The following PDGFC variants were observed in gnomAD, a reference collection of about 807,000 sequenced individuals.
The protein encoded by PDGFC is platelet-derived growth factor C.
In PDGFC, 12 loss-of-function variants were observed where a neutral mutation model predicts 35.5. That is an observed-to-expected ratio of 0.34 (90% CI 0.22 to 0.55). PDGFC has a LOEUF of 0.55. Ranked by LOEUF, PDGFC falls within the 20% of genes least tolerant of loss-of-function variation. The pLI, the probability that PDGFC is intolerant of heterozygous loss-of-function variation, is 0.91. For missense variants in PDGFC, 322 were observed against 412.4 expected (o/e 0.78, Z 1.90); for synonymous variants, 159 against 148.8 (o/e 1.07, Z -0.50).
chr4:156,918,255 A>G (rs1731195472), intron 1 of PDGFC, among the ~76,000 whole-genome samples: 1 of 152,214 alleles, frequency 6.6e-6, no homozygotes, highest in African/African-American at 2.4e-5. Context: ...ATTCTCACTC[A>G]GTATCATTTT....
chr4:156,863,219 GACAA>G (rs755685357), intron 1 of PDGFC, among the ~76,000 whole-genome samples: 7 of 152,080 alleles, frequency 4.6e-5, no homozygotes, highest in South Asian at 4.1e-4. Context: ...AATTATGTCA[GACAA>G]ACAGACATAA....
intron 1 of PDGFC, among the ~76,000 whole-genome samples, chr4:156,911,446 T>C (rs575846886): frequency 7.2e-5 from 11 of 152,092 alleles, no homozygotes; most frequent in Non-Finnish European, 1.6e-4. Context: ...AAATTAATAC[T>C]GTATTTTGAG....
intron 2 of PDGFC, among the ~76,000 whole-genome samples, chr4:156,813,435 A>G (rs539255270): frequency 6.8e-4 from 103 of 152,152 alleles, no homozygotes; most frequent in Non-Finnish European, 1.2e-3. Flanking sequence ...ACTGTGGAAT[A>G]GTAGAAGAAA....
chr4:156,832,359 C>T (rs562584800), intron 2 of PDGFC, among the ~76,000 whole-genome samples: 1 of 150,722 alleles, frequency 6.6e-6, no homozygotes, highest in East Asian at 2.0e-4. Context: ...CGGGTTCAAG[C>T]GATTCTCCTG....
intron 1 of PDGFC, among the ~76,000 whole-genome samples, chr4:156,878,640 G>A (rs1157135669): frequency 6.6e-6 from 1 of 152,016 alleles, no homozygotes; most frequent in South Asian, 2.1e-4. Context: ...ATCAGAAAAT[G>A]CAAAATGCAA....
intron 3 of PDGFC, among the ~76,000 whole-genome samples, chr4:156,797,882 T>C (rs1259203990): frequency 5.9e-5 from 9 of 152,114 alleles, no homozygotes; most frequent in African/African-American, 2.2e-4. Flanking sequence ...AAGAAACCTT[T>C]AGACCGACAT....
chr4:156,951,167 T>C (rs532635537), intron 1 of PDGFC, among the ~76,000 whole-genome samples: 1 of 151,836 alleles, frequency 6.6e-6, no homozygotes, highest in African/African-American at 2.4e-5. Flanking sequence ...AGAAAATAAA[T>C]AAACCTCCAA....
chr4:156,945,336 T>G (rs1731913875), intron 1 of PDGFC, among the ~76,000 whole-genome samples: 1 of 73,408 alleles, frequency 1.4e-5, no homozygotes, highest in Non-Finnish European at 3.0e-5. Context: ...TATATACATA[T>G]ACATACATAT....
intron 1 of PDGFC, among the ~76,000 whole-genome samples, chr4:156,922,344 C>T (rs1731305860): frequency 6.6e-6 from 1 of 152,178 alleles, no homozygotes; most frequent in African/African-American, 2.4e-5. Context: ...TTCATTCATT[C>T]AATGGCTAAC....
intron 5 of PDGFC, among the ~76,000 whole-genome samples, chr4:156,766,731 G>C (rs1730540033): frequency 2.0e-5 from 3 of 152,010 alleles, no homozygotes; most frequent in Admixed American, 1.3e-4. Context: ...ACCTAAACAT[G>C]CATGGTTTCC....
At chr4:156,945,223 T>C (rs1359578106) in intron 1 of PDGFC, among the ~76,000 whole-genome samples, 1 of 151,280 alleles carries the variant, frequency 6.6e-6, no homozygotes, top group African/African-American at 2.4e-5. Flanking sequence ...CTGTGACTAG[T>C]ATCTTGCTGC....
chr4:156,781,929 A>C (rs1730991194), intron 3 of PDGFC, among the ~76,000 whole-genome samples: 1 of 152,198 alleles, frequency 6.6e-6, no homozygotes, highest in Non-Finnish European at 1.5e-5. Flanking sequence ...AGTTGTACCA[A>C]GTTTAGCAAA....
chr4:156,875,877 T>C (rs1730104258), intron 1 of PDGFC, among the ~76,000 whole-genome samples: 1 of 152,082 alleles, frequency 6.6e-6, no homozygotes, highest in African/African-American at 2.4e-5. Context: ...AGCAAAACCC[T>C]GTTGGGGGGA....
In PDGFC at chr4:156,905,690, C is replaced by T. The variant is rs969727869; in HGVS notation, c.119-55274G>A. Among the ~76,000 whole-genome samples, 5 of 152,080 alleles carry T rather than the reference C, an allele frequency of 3.3e-5. No homozygotes were observed. The East Asian group carries it at 9.6e-4, about 29-fold the overall frequency. ...ACCATTCAGAATATCTGCATCTAAT[C>T]ACTGCTTCATTCTCAAAGAAACACT... On this transcript the variant is annotated intron_variant, in intron 1 of 5. Coordinates refer to ENST00000502773, the MANE Select transcript of PDGFC (RefSeq NM_016205.3).
chr4:156,902,185 G>A (rs749112631), intron 1 of PDGFC, among the ~76,000 whole-genome samples: 13 of 152,212 alleles, frequency 8.5e-5, no homozygotes, highest in African/African-American at 2.4e-4. Flanking sequence ...ATTTTTAACC[G>A]CTGTCTTCTA....
At chr4:156,958,450 C>T (rs1480236233) in intron 1 of PDGFC, among the ~76,000 whole-genome samples, 1 of 151,976 alleles carries the variant, frequency 6.6e-6, no homozygotes, top group Non-Finnish European at 1.5e-5. Flanking sequence ...AGCAGTAACA[C>T]TTAAAAGTTG....
At chr4:156,946,409 C>T (rs1162987506) in intron 1 of PDGFC, among the ~76,000 whole-genome samples, 1 of 152,022 alleles carries the variant, frequency 6.6e-6, no homozygotes, top group Non-Finnish European at 1.5e-5. Context: ...AAGATGATTT[C>T]ATTTATCAAT....
chr4:156,801,567 T>G (rs931095581), intron 3 of PDGFC, among the ~76,000 whole-genome samples: 5 of 152,056 alleles, frequency 3.3e-5, no homozygotes, highest in Non-Finnish European at 5.9e-5. Flanking sequence ...AAATGGAGAG[T>G]TCTTCCTTGG....
chr4:156,779,966 TAC>T (rs1235682494), intron 3 of PDGFC, among the ~76,000 whole-genome samples: 14 of 152,286 alleles, frequency 9.2e-5, no homozygotes, highest in Non-Finnish European at 1.5e-4. Context: ...TCAGAGTCAA[TAC>T]ACAGTTTCCC....
Sources: gnomAD v4.1 joint callset for allele counts (sites outside exome capture counted in the v4.1 genomes callset) on GRCh38, gnomAD v4.1.1 for gene constraint, MANE v1.5 for transcripts, NCBI Gene and HGNC (gene_info 2026-07-23, HGNC 2026-07-21) for gene names.